SPON1: variants seen among roughly 807,000 people sequenced by gnomAD.
SPON1 encodes the protein spondin 1, also known as spondin-1.
In SPON1, 52 loss-of-function variants were observed where a neutral mutation model predicts 111.7. The ratio of observed to expected loss-of-function variants is 0.47; its 90% CI spans 0.37 to 0.59. SPON1 has a LOEUF of 0.59. SPON1 is among the 20% of genes least tolerant of loss of function. The probability of loss-of-function intolerance (pLI) is 0.00; values close to 1 mark genes in which losing one functional copy is unlikely to be tolerated. For synonymous variants in SPON1, 410 were observed against 395.8 expected (o/e 1.04, Z -0.43); for missense variants, 957 against 1,068.5 (o/e 0.90, Z 1.46).
At position 13,982,874 on chromosome 11, in the gene SPON1, A is replaced by G; in HGVS notation, c.266A>G (p.Tyr89Cys). The change falls in exon 2 of 16, where the codon TAC becomes TGC. Residue 89 changes from tyrosine (Y) to cysteine (C), a missense_variant. Tyr to Cys is a radical substitution (Grantham distance 194, BLOSUM62 -2). Coordinates refer to ENST00000576479, the MANE Select transcript of SPON1 (RefSeq NM_006108.4). ...ACACTTTCAGCTGCTCCTCCCTCCT[A>G]CTTCAGAGGATTCACATTAATTGCC... is the stretch of plus-strand genomic sequence containing the variant. ...RVTLSAAPPS[Y>C]FRGFTLIALR... 1 of 1,561,458 alleles carries G rather than the reference A, an allele frequency of 6.4e-7. No individual in the cohort carries two copies. The highest frequency in any genetic ancestry group is 8.7e-7 in the Non-Finnish European group (1 of 1,151,718).
At position 14,265,535 on chromosome 11, in the gene SPON1, C is replaced by A. The variant is rs781868123; in HGVS notation, c.2272C>A (p.Arg758Ser). ...EGEQFPGCRM[R>S]PWTAWSECTK... ...TCTCATGCTTTCAGGTTGTAGGATG[C>A]GCCCATGGACGGCCTGGTCAGAATG... Residue 758 changes from arginine to serine, a missense_variant, in exon 16 of 16, where the codon CGC (arginine) becomes AGC (serine). Transcript: ENST00000576479. The A allele has an allele frequency of 4.3e-6, 7 of 1,612,360 alleles. No individual in the cohort carries two copies. Among genetic ancestry groups the A allele is most frequent in the Non-Finnish European group, 5.9e-6 (7 of 1,179,304 alleles).
At chr11:14,158,053 C>T (rs1302033220) in intron 6 of SPON1, among the ~76,000 whole-genome samples, 2 of 152,086 alleles carry the variant, frequency 1.3e-5, no homozygotes, top group African/African-American at 4.8e-5. Flanking sequence ...GAATGCCAGA[C>T]ATGTGTATGA....
intron 6 of SPON1, among the ~76,000 whole-genome samples, chr11:14,156,752 A>C (rs915593342): frequency 1.7e-4 from 26 of 152,108 alleles, no homozygotes; most frequent in Non-Finnish European, 2.6e-4. Context: ...TAAATAGGGA[A>C]TCCTTTCCCC....
intron 5 of SPON1, among the ~76,000 whole-genome samples, chr11:14,107,594 A>G (rs1212229285): frequency 2.8e-5 from 4 of 140,606 alleles, no homozygotes; most frequent in Admixed American, 7.2e-5. Context: ...CCTCAGGAAA[A>G]AAAAAAAAAA....
intron 6 of SPON1, among the ~76,000 whole-genome samples, chr11:14,183,516 C>A (rs1554933855): frequency 1.3e-5 from 2 of 152,174 alleles, no homozygotes; most frequent in African/African-American, 4.8e-5. Flanking sequence ...AGTTTTCTCC[C>A]CTATTATTCT....
At position 14,265,604 on chromosome 11, in the gene SPON1, G is replaced by C; in HGVS notation, c.2341G>C (p.Val781Leu). The change falls in exon 16 of 16, where the codon GTA becomes CTA. Residue 781 changes from valine to leucine, a missense_variant. By Grantham distance (32) the Val-to-Leu change is conservative. Transcript: ENST00000576479. ...GGGIQERYMTVKKRFKSSQFT... is the reference protein window; with the variant it reads ...GGGIQERYMTLKKRFKSSQFT... ...TGGAATTCAGGAACGTTACATGACT[G>C]TAAAGAAGAGATTCAAAAGCTCCCA... 1 of 1,613,632 alleles carries C rather than the reference G, an allele frequency of 6.2e-7. No individual in the cohort carries two copies. The highest frequency in any genetic ancestry group is 8.5e-7 in the Non-Finnish European group (1 of 1,179,758).
intron 5 of SPON1, among the ~76,000 whole-genome samples, chr11:14,095,404 C>A (rs1164327566): frequency 6.7e-6 from 1 of 148,208 alleles, no homozygotes; most frequent in Non-Finnish European, 1.5e-5. Flanking sequence ...AAATGAGAGA[C>A]TAGATAGATA....
intron 11 of SPON1, 70 bp downstream of exon 11, chr11:14,257,968 G>T (rs1056638561): frequency 4.3e-6 from 6 of 1,409,540 alleles, no homozygotes; most frequent in Non-Finnish European, 4.7e-6. Flanking sequence ...CTAGCAGTCA[G>T]ACAGTGTCCC....
intron 6 of SPON1, among the ~76,000 whole-genome samples, chr11:14,201,435 A>G (rs1275162947): frequency 6.6e-6 from 1 of 150,998 alleles, no homozygotes; most frequent in Non-Finnish European, 1.5e-5. Flanking sequence ...GTCTTGCTCT[A>G]TCACCCAGGC....
At chr11:14,027,508 C>A (rs1848527573) in intron 2 of SPON1, among the ~76,000 whole-genome samples, 1 of 152,216 alleles carries the variant, frequency 6.6e-6, no homozygotes, top group Non-Finnish European at 1.5e-5. Context: ...AAATAAACCA[C>A]CAGCACAGTG....
At chr11:14,005,445 C>T (rs540184032) in intron 2 of SPON1, among the ~76,000 whole-genome samples, 4 of 152,308 alleles carry the variant, frequency 2.6e-5, no homozygotes, top group South Asian at 2.1e-4. Flanking sequence ...TAGACTCATC[C>T]GTTCCATGGC....
intron 6 of SPON1, among the ~76,000 whole-genome samples, chr11:14,210,499 A>G (rs1848564456): frequency 6.6e-6 from 1 of 151,814 alleles, no homozygotes; most frequent in Admixed American, 6.6e-5. Flanking sequence ...CCCGGGTTCA[A>G]GCGATTCTCC....
intron 5 of SPON1, among the ~76,000 whole-genome samples, chr11:14,091,937 G>T (rs1849062534): frequency 6.6e-6 from 1 of 151,876 alleles, no homozygotes; most frequent in South Asian, 2.1e-4. Context: ...GGCGGGGGAG[G>T]CCCCCAGCTG....
intron 3 of SPON1, among the ~76,000 whole-genome samples, chr11:14,065,896 A>G (rs1466592229): frequency 1.3e-5 from 2 of 152,230 alleles, no homozygotes; most frequent in Admixed American, 1.3e-4. Context: ...GTTAGGTCCT[A>G]GGAATGCAAT....
At chr11:14,217,698 G>A (rs1272028240) in intron 6 of SPON1, among the ~76,000 whole-genome samples, 2 of 151,664 alleles carry the variant, frequency 1.3e-5, no homozygotes, top group African/African-American at 4.8e-5. Flanking sequence ...CCACTTATTA[G>A]CTCTGTGATC....
chr11:14,009,949 AGG>A (rs782461197), intron 2 of SPON1, among the ~76,000 whole-genome samples: 1 of 152,180 alleles, frequency 6.6e-6, no homozygotes, highest in Non-Finnish European at 1.5e-5. Flanking sequence ...AACTTGATGG[AGG>A]GGGCTGTCAA....
At chr11:14,216,139 C>T (rs969795764) in intron 6 of SPON1, among the ~76,000 whole-genome samples, 2 of 152,144 alleles carry the variant, frequency 1.3e-5, no homozygotes, top group Admixed American at 6.5e-5. Flanking sequence ...TCTTTTTCTC[C>T]TCTTAATATC....
At chr11:14,057,413 G>C (rs1400805015) in intron 3 of SPON1, among the ~76,000 whole-genome samples, 1 of 152,182 alleles carries the variant, frequency 6.6e-6, no homozygotes, top group East Asian at 1.9e-4. Context: ...GGAAACTAAA[G>C]TGACATGAAA....
At chr11:14,003,564 G>A (rs1392262804) in intron 2 of SPON1, among the ~76,000 whole-genome samples, 1 of 152,108 alleles carries the variant, frequency 6.6e-6, no homozygotes, top group Non-Finnish European at 1.5e-5. Context: ...CCCACATTTG[G>A]CTGGGTCACA....
Sources: allele counts gnomAD v4.1 joint callset (sites outside exome capture counted in the v4.1 genomes callset), GRCh38; gene constraint gnomAD v4.1.1; transcripts MANE v1.5; gene names NCBI Gene and HGNC (gene_info 2026-07-23, HGNC 2026-07-21).